The following ADGRL2 variants were observed in gnomAD, a reference collection of about 807,000 sequenced individuals.
ADGRL2 encodes the protein adhesion G protein-coupled receptor L2, also known as calcium-independent alpha-latrotoxin receptor 2.
Under a neutral mutation model 157.4 loss-of-function variants are expected in ADGRL2, and 44 were observed. That is an observed-to-expected ratio of 0.28 (90% CI 0.22 to 0.36). The LOEUF (loss-of-function observed/expected upper bound fraction) is 0.36, where lower values mean the gene tolerates loss of function less well. Among genes scored for constraint, ADGRL2 ranks in the 10% least tolerant of loss-of-function variants. The pLI is 1.00. For missense variants in ADGRL2, 1,510 were observed against 1,768.9 expected, an observed-to-expected ratio of 0.85 and a Z score of 2.63; for synonymous variants, 585 against 624.7, an observed-to-expected ratio of 0.94 and a Z score of 0.95.
intron 1 of ADGRL2, among the ~76,000 whole-genome samples, chr1:81,310,732 A>C (rs992715663): frequency 6.6e-6 from 1 of 152,000 alleles, no homozygotes; most frequent in Non-Finnish European, 1.5e-5. Flanking sequence ...AAAGGTTGGG[A>C]ATTAATTTAA....
chr1:81,834,730 A>T (rs1294831179), intron 1 of ADGRL2, among the ~76,000 whole-genome samples: 1 of 152,202 alleles, frequency 6.6e-6, no homozygotes, highest in Admixed American at 6.6e-5. Flanking sequence ...ACACAGGCAG[A>T]TTGACTTAAG....
intron 2 of ADGRL2, among the ~76,000 whole-genome samples, chr1:81,517,502 C>T (rs561909181): frequency 7.6e-5 from 11 of 144,708 alleles, no homozygotes; most frequent in African/African-American, 2.7e-4. Context: ...ATGTCAAAAC[C>T]ACGATCCTTC....
intron 1 of ADGRL2, chr1:81,699,874 C>A (rs893051367): frequency 1.3e-5 from 2 of 152,208 alleles, no homozygotes; most frequent in Admixed American, 1.3e-4. Context: ...CCCTACTACT[C>A]CATCTTCCCT....
chr1:81,511,550 A>G (rs942098065), intron 2 of ADGRL2, among the ~76,000 whole-genome samples: 1 of 152,126 alleles, frequency 6.6e-6, no homozygotes, highest in African/African-American at 2.4e-5. Context: ...GTTAATAATT[A>G]TAGGTAACTT....
intron 3 of ADGRL2, among the ~76,000 whole-genome samples, chr1:81,643,441 T>C (rs1349530130): frequency 6.6e-6 from 1 of 152,158 alleles, no homozygotes; most frequent in Non-Finnish European, 1.5e-5. Context: ...GTCTCCTGAG[T>C]AGCCAGGACT....
At chr1:81,317,612 G>T (rs1471028357) in intron 1 of ADGRL2, among the ~76,000 whole-genome samples, 1 of 152,158 alleles carries the variant, frequency 6.6e-6, no homozygotes, top group Non-Finnish European at 1.5e-5. Context: ...TTTGTCTCTA[G>T]AAACAGTATA....
At position 81,321,938 on chromosome 1, in the gene ADGRL2, T is replaced by C. The variant is rs74719829; in HGVS notation, c.-302+15429T>C. Among the ~76,000 whole-genome samples the C allele has an allele frequency of 2.5e-3, 379 of 151,990 alleles. 2 individuals carry two copies. The highest frequency in any genetic ancestry group is 8.7e-3 in the African/African-American group (359 of 41,496). ...GCAAAGCGCAATAAAATGAGGCATGTGTACATTATTTAGACCACCACTCTT... is the reference window on the plus strand; with the variant it reads ...GCAAAGCGCAATAAAATGAGGCATGCGTACATTATTTAGACCACCACTCTT... On this transcript the variant is annotated intron_variant, in intron 1 of 24. Coordinates refer to the ADGRL2 transcript ENST00000370721.
intron 2 of ADGRL2, among the ~76,000 whole-genome samples, chr1:81,477,166 C>A (rs1415691178): frequency 6.6e-6 from 1 of 152,196 alleles, no homozygotes; most frequent in Non-Finnish European, 1.5e-5. Flanking sequence ...TGTGTCATAT[C>A]ACATAATAGG....
At chr1:81,603,752 A>G (rs1379368343) in intron 3 of ADGRL2, among the ~76,000 whole-genome samples, 1 of 152,166 alleles carries the variant, frequency 6.6e-6, no homozygotes, top group East Asian at 1.9e-4. Flanking sequence ...ATGCCCAAAA[A>G]AAAGGAAGGA....
At chr1:81,394,880 TTTA>T (rs1318748890) in intron 1 of ADGRL2, among the ~76,000 whole-genome samples, 30 of 34,452 alleles carry the variant, frequency 8.7e-4, no homozygotes, top group African/African-American at 1.9e-3. Flanking sequence ...GTCTCTCTTT[TTTA>T]TTTATTTATT....
At chr1:81,547,887 C>A (rs746037788) in intron 2 of ADGRL2, among the ~76,000 whole-genome samples, 5 of 152,194 alleles carry the variant, frequency 3.3e-5, no homozygotes, top group Non-Finnish European at 4.4e-5. Flanking sequence ...CTCATTATAA[C>A]TCCCACCAAA....
intron 2 of ADGRL2, among the ~76,000 whole-genome samples, chr1:81,452,206 G>A (rs2077715143): frequency 6.6e-6 from 1 of 152,020 alleles, no homozygotes; most frequent in Non-Finnish European, 1.5e-5. Context: ...TAGCTCATTG[G>A]GAAAGACTTT....
chr1:81,616,531 A>AGAAAAGTTT (rs2081649824), intron 3 of ADGRL2, among the ~76,000 whole-genome samples: 6 of 152,112 alleles, frequency 3.9e-5, no homozygotes, highest in Admixed American at 3.9e-4. Flanking sequence ...CCATTCGTTA[A>AGAAAAGTTT]GGCCAATTTG....
chr1:81,702,942 A>G (rs1449153968), intron 1 of ADGRL2, among the ~76,000 whole-genome samples: 1 of 152,216 alleles, frequency 6.6e-6, no homozygotes, highest in Non-Finnish European at 1.5e-5. Context: ...CTGCAACTAG[A>G]AAGTTTTCAG....
At chr1:81,668,428 A>G (rs1367747885) in intron 3 of ADGRL2, among the ~76,000 whole-genome samples, 1 of 149,974 alleles carries the variant, frequency 6.7e-6, no homozygotes, top group Non-Finnish European at 1.5e-5. Context: ...AAAAAAAAAA[A>G]GCAAGTTTTC....
chr1:81,541,648 G>C (rs570853419), intron 2 of ADGRL2, among the ~76,000 whole-genome samples: 4 of 152,224 alleles, frequency 2.6e-5, no homozygotes, highest in South Asian at 4.1e-4. Flanking sequence ...TCAGTGCACT[G>C]TATTAGAAAT....
intron 1 of ADGRL2, among the ~76,000 whole-genome samples, chr1:81,307,927 C>G (rs1659463536): frequency 6.6e-6 from 1 of 152,048 alleles, no homozygotes; most frequent in Non-Finnish European, 1.5e-5. Flanking sequence ...GACATCTACA[C>G]AAGTATTACT....
chr1:81,465,042 G>A (rs1054514701), intron 2 of ADGRL2, among the ~76,000 whole-genome samples: 1 of 151,980 alleles, frequency 6.6e-6, no homozygotes, highest in Non-Finnish European at 1.5e-5. Flanking sequence ...CATGCTGTTG[G>A]TGGCATTGTC....
intron 1 of ADGRL2, among the ~76,000 whole-genome samples, chr1:81,384,637 C>T (rs1031541654): frequency 4.6e-5 from 7 of 152,220 alleles, no homozygotes; most frequent in African/African-American, 1.2e-4. Flanking sequence ...GCCACTATCA[C>T]GATAATTTTA....
Sources: allele counts gnomAD v4.1 joint callset (sites outside exome capture counted in the v4.1 genomes callset), GRCh38; gene constraint gnomAD v4.1.1; transcripts MANE v1.5; gene names NCBI Gene and HGNC (gene_info 2026-07-23, HGNC 2026-07-21).